ENTREP2: variants seen among roughly 807,000 people sequenced by gnomAD.
ENTREP2 encodes protein ENTREP2.
chr15:29,371,967 GAATT>G, the ENTREP2 span, among the ~76,000 whole-genome samples: 1 of 151,842 alleles, frequency 6.6e-6, no homozygotes, highest in Non-Finnish European at 1.5e-5. Context: ...TACAATCAAA[GAATT>G]AATGGAAGAA....
chr15:29,329,352 G>A, the ENTREP2 span, among the ~76,000 whole-genome samples: 1 of 148,318 alleles, frequency 6.7e-6, no homozygotes, highest in Non-Finnish European at 1.5e-5. Context: ...GACAGAGCAA[G>A]GCTCCGTCTC....
At chr15:29,574,023 A>C in the ENTREP2 span, among the ~76,000 whole-genome samples, 5 of 152,144 alleles carry the variant, frequency 3.3e-5, no homozygotes, top group Admixed American at 2.0e-4. Flanking sequence ...AAGAAGAATG[A>C]AAGGGAAGGG....
At chr15:29,142,901 G>T in the ENTREP2 span, among the ~76,000 whole-genome samples, 3 of 152,124 alleles carry the variant, frequency 2.0e-5, no homozygotes, top group Non-Finnish European at 4.4e-5. Context: ...ACACTTAAAT[G>T]ATCAAAAACC....
the ENTREP2 span, among the ~76,000 whole-genome samples, chr15:29,657,385 CCCAAAAAGTGAGCAGTAGCA>C: frequency 6.8e-6 from 1 of 147,826 alleles, no homozygotes; most frequent in South Asian, 2.1e-4. Context: ...ATGGCACGGA[CCCAAAAAGTGAGCAGTAGCA>C]GCTATAAAGA....
chr15:29,590,690 AAAAAAAAAAAAAAAG>A, the ENTREP2 span, among the ~76,000 whole-genome samples: 1 of 150,782 alleles, frequency 6.6e-6, no homozygotes, highest in South Asian at 2.1e-4. Context: ...TCTCAAAAAA[AAAAAAAAAAAAAAAG>A]AAAAAGAAAA....
chr15:29,515,111 G>A, the ENTREP2 span, among the ~76,000 whole-genome samples: 1 of 152,192 alleles, frequency 6.6e-6, no homozygotes, highest in African/African-American at 2.4e-5. Flanking sequence ...AAAATTAAGT[G>A]GGGACTTCCC....
the ENTREP2 span, among the ~76,000 whole-genome samples, chr15:29,641,702 C>T: frequency 2.6e-5 from 4 of 151,678 alleles, no homozygotes; most frequent in East Asian, 1.9e-4. Flanking sequence ...CATGGTGGTG[C>T]GCACCTGTAG....
At chr15:29,245,395 A>T in the ENTREP2 span, among the ~76,000 whole-genome samples, 2 of 152,140 alleles carry the variant, frequency 1.3e-5, no homozygotes, top group South Asian at 2.1e-4. Context: ...AATTATTTAT[A>T]ATCTTGGAGT....
chr15:29,123,037 G>T, the ENTREP2 span: 1 of 327,372 alleles, frequency 3.1e-6, no homozygotes, highest in Non-Finnish European at 5.7e-6. Context: ...GTGCAACACT[G>T]CTCAGTTCAA....
chr15:29,221,621 A>G, the ENTREP2 span, among the ~76,000 whole-genome samples: 2 of 152,152 alleles, frequency 1.3e-5, no homozygotes, highest in Non-Finnish European at 2.9e-5. Flanking sequence ...AATAAGTTAG[A>G]GATTCCTCCT....
At chr15:29,123,571 C>G in the ENTREP2 span, 26 of 1,551,634 alleles carry the variant, frequency 1.7e-5, no homozygotes, top group Non-Finnish European at 2.2e-5. Flanking sequence ...TGGTGTTGGC[C>G]GTTGGTCAGT....
At chr15:29,269,583 G>A in the ENTREP2 span, 1 of 1,543,790 alleles carries the variant, frequency 6.5e-7, no homozygotes. Context: ...CGGCAAAGCC[G>A]TCTCTGAGAA....
chr15:29,143,460 T>G, the ENTREP2 span, among the ~76,000 whole-genome samples: 2 of 152,066 alleles, frequency 1.3e-5, no homozygotes, highest in Middle Eastern at 3.2e-3. Flanking sequence ...GGGGGCAAAT[T>G]GGGAAGAGGT....
the ENTREP2 span, among the ~76,000 whole-genome samples, chr15:29,507,278 A>G: frequency 6.6e-6 from 1 of 152,220 alleles, no homozygotes; most frequent in Non-Finnish European, 1.5e-5. Flanking sequence ...AGACCTAGAA[A>G]GAGGCTTAGA....
chr15:29,444,220 AAG>A, the ENTREP2 span, among the ~76,000 whole-genome samples: 2 of 150,994 alleles, frequency 1.3e-5, no homozygotes, highest in Admixed American at 6.6e-5. Context: ...GAAAGAAAGA[AAG>A]AAAGAAAGAA....
chr15:29,355,860 T>C, the ENTREP2 span, among the ~76,000 whole-genome samples: 2 of 152,160 alleles, frequency 1.3e-5, no homozygotes, highest in African/African-American at 4.8e-5. Flanking sequence ...ATGGCTGAGC[T>C]AAATAAGGGG....
the ENTREP2 span, among the ~76,000 whole-genome samples, chr15:29,402,403 C>T: frequency 0.22 from 33,446 of 151,122 alleles, 4,035 homozygotes; most frequent in Middle Eastern, 0.4. Flanking sequence ...GTGACCTCCA[C>T]CTCCCATGCT....
chr15:29,630,821 G>C, the ENTREP2 span, among the ~76,000 whole-genome samples: 1 of 152,112 alleles, frequency 6.6e-6, no homozygotes, highest in Non-Finnish European at 1.5e-5. Context: ...CCGAGTAGTT[G>C]GGATTACAGG....
the ENTREP2 span, among the ~76,000 whole-genome samples, chr15:29,284,320 G>A: frequency 6.6e-6 from 1 of 152,132 alleles, no homozygotes; most frequent in African/African-American, 2.4e-5. Flanking sequence ...CACTTTGGGA[G>A]GCTGAGGTGG....
Sources: allele counts gnomAD v4.1 joint callset (sites outside exome capture counted in the v4.1 genomes callset), GRCh38; gene constraint gnomAD v4.1.1; transcripts MANE v1.5; gene names NCBI Gene and HGNC (gene_info 2026-07-23, HGNC 2026-07-21).